Variants in KCNMA1 observed in about 807,000 individuals in gnomAD.
KCNMA1 encodes Calcium-activated potassium channel subunit alpha-1.
In KCNMA1, 29 loss-of-function variants were observed where a neutral mutation model predicts 140.0. The ratio of observed to expected loss-of-function variants is 0.21; its 90% CI spans 0.15 to 0.28. The LOEUF is 0.28. KCNMA1 is among the 10% of genes least tolerant of loss of function. KCNMA1 has a pLI of 1.00. For missense variants in KCNMA1, 880 were observed against 1,602.2 expected (o/e 0.55, Z 7.70); for synonymous variants, 612 against 611.9 (o/e 1.00, Z 0.00).
rs942600426 is a variant in KCNMA1 at position 77,180,854 on chromosome 10, A to AT, written c.808+2566dup. 4.6e-5 allele frequency among the ~76,000 whole-genome samples: 7 copies of AT among 152,072 alleles called. No homozygotes were observed. The South Asian group carries it at 6.2e-4, about 14-fold the overall frequency. The stretch of plus-strand genomic sequence containing the variant: ...TTCCACCTCTTTTATTTCCTATTCA[A>AT]TTTTTTTCACCCCCATTCTGTGTTT... On this transcript the variant is annotated intron_variant, in intron 5 of 27. Transcript: ENST00000286628.
intron 1 of KCNMA1, among the ~76,000 whole-genome samples, chr10:77,560,367 T>C (rs2065954406): frequency 6.6e-6 from 1 of 152,274 alleles, no homozygotes; most frequent in Non-Finnish European, 1.5e-5. Flanking sequence ...AACATAAGTA[T>C]TGGGTTGAGA....
intron 20 of KCNMA1, among the ~76,000 whole-genome samples, chr10:76,959,645 G>A (rs962280193): frequency 6.6e-6 from 1 of 152,182 alleles, no homozygotes; most frequent in African/African-American, 2.4e-5. Context: ...TGATTATGGT[G>A]AAAGGAGGCA....
intron 1 of KCNMA1, among the ~76,000 whole-genome samples, chr10:77,425,401 C>G (rs1297425271): frequency 2.0e-5 from 3 of 152,124 alleles, no homozygotes; most frequent in Admixed American, 6.6e-5. Flanking sequence ...GATGAGACTC[C>G]CCATGTGGGC....
chr10:77,636,995 C>A (rs1325603604), intron 1 of KCNMA1: 3 of 1,408,930 alleles, frequency 2.1e-6, no homozygotes, highest in Non-Finnish European at 2.8e-6. Context: ...CCAGCCGCAG[C>A]CGCCAACAAC....
intron 5 of KCNMA1, among the ~76,000 whole-genome samples, chr10:77,151,503 A>G (rs1359155273): frequency 6.6e-6 from 1 of 152,086 alleles, no homozygotes; most frequent in Non-Finnish European, 1.5e-5. Flanking sequence ...CTGGGATTAC[A>G]GGCATGAGCC....
At chr10:77,618,728 C>T (rs2090393578) in intron 1 of KCNMA1, among the ~76,000 whole-genome samples, 2 of 152,148 alleles carry the variant, frequency 1.3e-5, no homozygotes, top group Non-Finnish European at 2.9e-5. Flanking sequence ...ATAACAATAC[C>T]CTATGTTCTG....
At chr10:77,452,925 C>T (rs1201765385) in intron 1 of KCNMA1, among the ~76,000 whole-genome samples, 2 of 152,118 alleles carry the variant, frequency 1.3e-5, no homozygotes, top group Non-Finnish European at 2.9e-5. Context: ...TAAGGGTGAG[C>T]AGATGTGAAT....
Position 76,887,223 on chromosome 10 carries a change from G to A in KCNMA1, c.*43C>T. The A allele has an allele frequency of 6.2e-7, 1 of 1,613,772 alleles. No individual in the cohort carries two copies. Among genetic ancestry groups the A allele is most frequent in the Non-Finnish European group, 8.5e-7 (1 of 1,179,974 alleles). On this transcript the variant is annotated 3_prime_UTR_variant, in exon 28 of 28. Coordinates refer to ENST00000286628, the MANE Select transcript of KCNMA1 (RefSeq NM_001161352.2). ...TGTTGGAAACACCAACTGGGGAAATGAGTGGCAGATACAGTTTCACACAGT... is the reference window on the plus strand; with the variant it reads ...TGTTGGAAACACCAACTGGGGAAATAAGTGGCAGATACAGTTTCACACAGT...
intron 23 of KCNMA1, among the ~76,000 whole-genome samples, chr10:76,940,892 T>G (rs2061755777): frequency 6.7e-6 from 1 of 148,886 alleles, no homozygotes; most frequent in Admixed American, 6.8e-5. Flanking sequence ...ACCCAGGAGG[T>G]GGAGGTTGCA....
intron 2 of KCNMA1, among the ~76,000 whole-genome samples, chr10:77,309,872 T>C (rs1324338168): frequency 6.6e-6 from 1 of 152,188 alleles, no homozygotes; most frequent in Non-Finnish European, 1.5e-5. Flanking sequence ...ATCTATAATT[T>C]GCAGGTTGAA....
At chr10:77,419,041 G>A (rs952661318) in intron 1 of KCNMA1, among the ~76,000 whole-genome samples, 2 of 152,154 alleles carry the variant, frequency 1.3e-5, no homozygotes, top group African/African-American at 4.8e-5. Context: ...CTAGGCTGTT[G>A]TTAGTGCCGC....
At chr10:77,461,107 A>G (rs1205343650) in intron 1 of KCNMA1, among the ~76,000 whole-genome samples, 2 of 152,166 alleles carry the variant, frequency 1.3e-5, no homozygotes, top group African/African-American at 4.8e-5. Flanking sequence ...ACTCTGTCTC[A>G]AGAAAAAAAA....
intron 14 of KCNMA1, among the ~76,000 whole-genome samples, chr10:77,040,535 T>G (rs148167048): frequency 5.7e-4 from 87 of 152,316 alleles, no homozygotes; most frequent in African/African-American, 2.1e-3. Context: ...GTACATAATC[T>G]GATCCTATTT....
intron 1 of KCNMA1, among the ~76,000 whole-genome samples, chr10:77,549,497 ACT>A (rs779638300): frequency 6.6e-6 from 1 of 152,056 alleles, no homozygotes; most frequent in Non-Finnish European, 1.5e-5. Context: ...TTTGGGCTGA[ACT>A]CTCCTAGCAG....
chr10:76,876,892 CATAACAGCACGTAGGAGTCTCCACCACT>C (rs1289628891), downstream of KCNMA1: 1 of 152,312 alleles, frequency 6.6e-6, no homozygotes, highest in Non-Finnish European at 1.5e-5. Context: ...AAATGAGAAG[CATAACAGCACGTAGGAGTCTCCACCACT>C]AGAACAGCAA....
At chr10:77,467,130 G>A (rs927063678) in intron 1 of KCNMA1, among the ~76,000 whole-genome samples, 1 of 152,130 alleles carries the variant, frequency 6.6e-6, no homozygotes, top group Non-Finnish European at 1.5e-5. Context: ...TCCATTTGAT[G>A]TGCACCATCA....
chr10:77,471,383 ACAC>A (rs1193854321), intron 1 of KCNMA1, among the ~76,000 whole-genome samples: 5 of 151,458 alleles, frequency 3.3e-5, no homozygotes, highest in African/African-American at 9.7e-5. Flanking sequence ...CTTACCACAC[ACAC>A]CACATAACAC....
chr10:77,022,405 T>C (rs1364996857), intron 16 of KCNMA1, among the ~76,000 whole-genome samples: 2 of 152,218 alleles, frequency 1.3e-5, no homozygotes, highest in Non-Finnish European at 1.5e-5. Context: ...TAAATTATCC[T>C]TTCTTCTTTG....
chr10:77,321,591 A>G (rs562929065), intron 2 of KCNMA1, among the ~76,000 whole-genome samples: 2 of 152,308 alleles, frequency 1.3e-5, no homozygotes, highest in Admixed American at 1.3e-4. Flanking sequence ...TTAAATTAAT[A>G]TTTTTAAATG....
Sources: gnomAD v4.1 joint callset for allele counts (sites outside exome capture counted in the v4.1 genomes callset) on GRCh38, gnomAD v4.1.1 for gene constraint, MANE v1.5 for transcripts, NCBI Gene and HGNC (gene_info 2026-07-23, HGNC 2026-07-21) for gene names.